Variants in PGA5 observed in about 807,000 individuals in gnomAD.
The protein encoded by PGA5 is pepsin A-5.
In PGA5, 19 loss-of-function variants were observed where a neutral mutation model predicts 15.9. The observed-to-expected ratio is 1.19, with a 90% CI of 0.83 to 1.75. PGA5 has a LOEUF of 1.75. Among genes scored for constraint, PGA5 ranks in the 40% most tolerant of loss-of-function variants. PGA5 has a pLI of 0.00. For missense variants in PGA5, 224 were observed against 246.4 expected, an observed-to-expected ratio of 0.91 and a Z score of 0.61; for synonymous variants, 92 against 95.8, an observed-to-expected ratio of 0.96 and a Z score of 0.23.
chr11:61,249,312 C>T (rs1043047709), intron 6 of PGA5: 6 of 409,186 alleles, frequency 1.5e-5, no homozygotes, highest in Admixed American at 1.5e-4. Context: ...CTCCCCTCCA[C>T]CACCTCTCAC....
rs1854099793 is a variant in PGA5, at chr11:61,248,634, C to T, written c.773+99C>T. 3.2e-6 allele frequency: 5 copies of T among 1,569,980 alleles called. No homozygotes were observed. The South Asian group carries it at 4.5e-5, about 14-fold the overall frequency. Reference sequence around the variant, plus strand: ...CAGCTTTCCAGAATCCCCCCAGGAACAGCTGGCACAGGGGAACACACTCCA... The same window carrying T: ...CAGCTTTCCAGAATCCCCCCAGGAATAGCTGGCACAGGGGAACACACTCCA... On this transcript the variant is annotated intron_variant, in intron 6 of 8. Coordinates refer to ENST00000312403, the MANE Select transcript of PGA5 (RefSeq NM_014224.5).
In PGA5 at chr11:61,251,261, G is replaced by T; in HGVS notation, c.1147G>T (p.Gly383Cys). 1.2e-6 allele frequency: 2 copies of T among 1,611,794 alleles called. No homozygotes were observed. Among genetic ancestry groups the T allele is most frequent in the Non-Finnish European group, 1.7e-6 (2 of 1,179,848 alleles). Residue 383 changes from glycine to cysteine, a missense_variant, in exon 9 of 9, where the codon GGC becomes TGC. Physicochemically the swap from Gly to Cys is radical, Grantham distance 159. Coordinates refer to ENST00000312403, the MANE Select transcript of PGA5 (RefSeq NM_014224.5). ...CTTCGACAGGGCAAACAACCAGGTC[G>T]GCCTGGCCCCTGTGGCTTAAGCCTA... is the stretch of plus-strand genomic sequence containing the variant. ...TVFDRANNQV[G>C]LAPVA
chr11:61,248,340 G>T (rs772924984), intron 5 of PGA5, 79 bp from the exon 6 acceptor site: 16 of 1,613,660 alleles, frequency 9.9e-6, no homozygotes, highest in Non-Finnish European at 1.3e-5. Flanking sequence ...ATCAACGGTC[G>T]CTCTGAGGAG....
At chr11:61,249,455 G>A in intron 6 of PGA5, 3 of 931,598 alleles carry the variant, frequency 3.2e-6, no homozygotes, top group Non-Finnish European at 1.6e-6. Flanking sequence ...GTTTCGCTTG[G>A]CGTTTCCCAT....
In PGA5 at chr11:61,246,694, G is replaced by T. The variant is rs376137224; in HGVS notation, c.656+549G>T. On this transcript the variant is annotated intron_variant, in intron 5 of 8. Transcript: ENST00000312403. ...AGGGAGAATCGCTTGAGCCTGGGAG[G>T]CATAGGTTGCAGTGAACAAAGATTG... is the stretch of plus-strand genomic sequence containing the variant. 3.9e-5 allele frequency among the ~76,000 whole-genome samples: 6 copies of T among 151,974 alleles called. No homozygotes were observed. The East Asian group carries it at 7.7e-4, about 20-fold the overall frequency.
intron 5 of PGA5, chr11:61,248,155 G>A (rs1202842368): frequency 1.7e-5 from 13 of 781,018 alleles, no homozygotes; most frequent in African/African-American, 3.4e-5. Context: ...TCTTCCAAAC[G>A]TAGTTCCACC....
chr11:61,248,317 T>C, intron 5 of PGA5, 102 bp from the exon 6 acceptor site: 3 of 1,613,656 alleles, frequency 1.9e-6, no homozygotes, highest in Non-Finnish European at 2.5e-6. Flanking sequence ...AGGACAGCCC[T>C]GGAAAGTGCC....
At chr11:61,246,981 A>G (rs944033102) in intron 5 of PGA5, among the ~76,000 whole-genome samples, 3 of 152,102 alleles carry the variant, frequency 2.0e-5, no homozygotes, top group East Asian at 3.9e-4. Flanking sequence ...GAATAAATGA[A>G]CAAACAAACA....
rs1007123562 is a variant in PGA5 at position 61,251,417 on chromosome 11, C to T, written c.*136C>T. ...GCCCTGTTCCCTGTCCTACCAATAACGTAGAATAAAAACATAACCCACTGA... is the reference window on the plus strand; with the variant it reads ...GCCCTGTTCCCTGTCCTACCAATAATGTAGAATAAAAACATAACCCACTGA... On this transcript the variant is annotated 3_prime_UTR_variant, in exon 9 of 9. Transcript: ENST00000312403. 6.2e-6 allele frequency: 9 copies of T among 1,449,752 alleles called. No individual in the cohort carries two copies. The highest frequency in any genetic ancestry group is 1.6e-5 in the African/African-American group (1 of 64,102). 89.8% of individuals were successfully genotyped at this position (1,449,752 alleles called of 1,614,324 possible).
At chr11:61,248,911 T>C (rs1854102798) in intron 6 of PGA5, among the ~76,000 whole-genome samples, 2 of 152,122 alleles carry the variant, frequency 1.3e-5, no homozygotes, top group Admixed American at 1.3e-4. Flanking sequence ...CATGTCACTT[T>C]CCGTCTAGAA....
intron 5 of PGA5, among the ~76,000 whole-genome samples, chr11:61,247,015 G>A (rs1041033257): frequency 9.2e-5 from 14 of 152,026 alleles, no homozygotes; most frequent in African/African-American, 3.1e-4. Flanking sequence ...TAAACCAAAT[G>A]TCAGTTTGGG....
chr11:61,250,127 A>G, intron 8 of PGA5, 113 bp downstream of exon 8: 1 of 1,266,770 alleles, frequency 7.9e-7, no homozygotes, highest in Admixed American at 2.0e-5. Context: ...AGGCAGAGGC[A>G]GACGAACATC....
chr11:61,247,475 C>T (rs1200423435), intron 5 of PGA5, among the ~76,000 whole-genome samples: 4 of 151,780 alleles, frequency 2.6e-5, no homozygotes, highest in African/African-American at 9.7e-5. Flanking sequence ...GATGGGGTTT[C>T]ACCCTGTTAG....
At chr11:61,249,841 T>C in intron 7 of PGA5, 28 bp downstream of exon 7, 3 of 1,613,724 alleles carry the variant, frequency 1.9e-6, no homozygotes, top group Non-Finnish European at 2.5e-6. Context: ...TGCCCTGTTC[T>C]ACACTCAAGT....
chr11:61,250,631 C>G (rs1482136399), intron 8 of PGA5: 2 of 459,924 alleles, frequency 4.3e-6, no homozygotes, highest in East Asian at 1.4e-4. Flanking sequence ...CTGGGCTCCC[C>G]CACTGATTCT....
At chr11:61,250,051 C>T in intron 8 of PGA5, 37 bp downstream of exon 8, 1 of 1,600,268 alleles carries the variant, frequency 6.2e-7, no homozygotes, top group Non-Finnish European at 8.5e-7. Context: ...GAGAGGTTCA[C>T]ACAGAATGTG....
chr11:61,250,499 C>A (rs1442010830), intron 8 of PGA5, among the ~76,000 whole-genome samples: 1 of 151,270 alleles, frequency 6.6e-6, no homozygotes, highest in African/African-American at 2.5e-5. Flanking sequence ...CCATCTCTAC[C>A]AAGTAGCAAA....
intron 6 of PGA5, 106 bp downstream of exon 6, chr11:61,248,641 C>G: frequency 6.4e-7 from 1 of 1,558,440 alleles, no homozygotes; most frequent in Non-Finnish European, 8.8e-7. Flanking sequence ...GAACAGCTGG[C>G]ACAGGGGAAC....
At position 61,251,308 on chromosome 11, in the gene PGA5, G is replaced by A. The variant is rs1258560327; in HGVS notation, c.*27G>A. ...CCTAAGTCTCTTCAGCCACCTCCCA[G>A]GAAGATCTGGCCTCCGTCCTATGCC... is the stretch of plus-strand genomic sequence containing the variant. On this transcript the variant is annotated 3_prime_UTR_variant, in exon 9 of 9. Coordinates refer to ENST00000312403, the MANE Select transcript of PGA5 (RefSeq NM_014224.5). 4 of 1,611,850 alleles carry A rather than the reference G, an allele frequency of 2.5e-6. No homozygotes were observed. Among genetic ancestry groups the A allele is most frequent in the South Asian group, 1.1e-5 (1 of 90,976 alleles).
Sources: allele counts gnomAD v4.1 joint callset (sites outside exome capture counted in the v4.1 genomes callset), GRCh38; gene constraint gnomAD v4.1.1; transcripts MANE v1.5; gene names NCBI Gene and HGNC (gene_info 2026-07-23, HGNC 2026-07-21).